Variants in XKR9 observed in about 807,000 individuals in gnomAD.
XKR9 encodes XK-related protein 9.
In XKR9, 32 loss-of-function variants were observed where a neutral mutation model predicts 32.0. That is an observed-to-expected ratio of 1.00 (90% confidence interval 0.76 to 1.34). XKR9 has a LOEUF of 1.34. XKR9 is among the 40% of genes most tolerant of loss of function. The probability of loss-of-function intolerance (pLI) is 0.00; values close to 1 mark genes in which losing one functional copy is unlikely to be tolerated. For missense variants in XKR9, 546 were observed against 429.7 expected, an observed-to-expected ratio of 1.27 and a Z score of -2.39; for synonymous variants, 168 against 143.4, an observed-to-expected ratio of 1.17 and a Z score of -1.22.
At chr8:70,710,350 C>G (rs1266159356) in intron 4 of XKR9, among the ~76,000 whole-genome samples, 1 of 152,132 alleles carries the variant, frequency 6.6e-6, no homozygotes, top group South Asian at 2.1e-4. Context: ...AGAAGAAAAT[C>G]TAGGAAATAC....
the XKR9 span, among the ~76,000 whole-genome samples, chr8:70,995,644 A>T: frequency 6.6e-6 from 1 of 151,894 alleles, no homozygotes; most frequent in Admixed American, 6.6e-5. Context: ...TGCCAGCCAA[A>T]CTCTTTGTTC....
At chr8:70,805,506 G>A in the XKR9 span, among the ~76,000 whole-genome samples, 1 of 152,178 alleles carries the variant, frequency 6.6e-6, no homozygotes, top group African/African-American at 2.4e-5. Flanking sequence ...AACACGCTAA[G>A]CTCCCTGGGT....
At chr8:71,022,416 G>GT in the XKR9 span, among the ~76,000 whole-genome samples, 378 of 151,760 alleles carry the variant, frequency 2.5e-3, 12 homozygotes, top group East Asian at 0.059. Context: ...TGATTGGCAG[G>GT]TTTTTTTTCA....
the XKR9 span, among the ~76,000 whole-genome samples, chr8:71,034,481 A>C: frequency 5.7e-3 from 875 of 152,348 alleles, 10 homozygotes; most frequent in African/African-American, 0.02. Flanking sequence ...GTGTGAGTAC[A>C]GACTAATACA....
At chr8:70,725,354 A>G (rs1806428426) in intron 4 of XKR9, among the ~76,000 whole-genome samples, 1 of 152,180 alleles carries the variant, frequency 6.6e-6, no homozygotes, top group African/African-American at 2.4e-5. Context: ...ATGTGTGTAT[A>G]TATGTGTGTA....
At chr8:70,702,233 G>A (rs1309412096) in intron 3 of XKR9, among the ~76,000 whole-genome samples, 2 of 151,720 alleles carry the variant, frequency 1.3e-5, no homozygotes, top group Admixed American at 1.3e-4. Context: ...AAATCTTTGG[G>A]GATTTAAAAA....
At chr8:70,731,281 G>T (rs911884980) in intron 4 of XKR9, among the ~76,000 whole-genome samples, 1 of 152,008 alleles carries the variant, frequency 6.6e-6, no homozygotes, top group East Asian at 1.9e-4. Context: ...GAAAGAGAGA[G>T]AGAGAAAGAG....
the XKR9 span, among the ~76,000 whole-genome samples, chr8:70,941,923 G>A: frequency 1.3e-5 from 2 of 152,046 alleles, no homozygotes; most frequent in Admixed American, 1.3e-4. Context: ...TCAACCTGAA[G>A]AAATGAGATT....
the XKR9 span, among the ~76,000 whole-genome samples, chr8:70,823,212 G>C: frequency 6.6e-6 from 1 of 152,206 alleles, no homozygotes; most frequent in South Asian, 2.1e-4. Flanking sequence ...CAAATATACT[G>C]TAACTTAGAT....
At chr8:70,736,370 C>G (rs1180918560), downstream of XKR9, among the ~76,000 whole-genome samples, 1 of 151,964 alleles carries the variant, frequency 6.6e-6, no homozygotes, top group Non-Finnish European at 1.5e-5. Context: ...GATATTAGCC[C>G]TTTGTCAGAT....
chr8:70,696,918 C>G (rs1805300440), intron 3 of XKR9, among the ~76,000 whole-genome samples: 1 of 149,336 alleles, frequency 6.7e-6, no homozygotes, highest in South Asian at 2.1e-4. Context: ...AAGTTGGATT[C>G]CTAAGTATTT....
chr8:70,784,100 T>C (rs976531980), intron 2 of XKR9, among the ~76,000 whole-genome samples: 3 of 152,230 alleles, frequency 2.0e-5, no homozygotes, highest in Non-Finnish European at 4.4e-5. Context: ...TTTTGATTAC[T>C]ATGGCTTTGT....
chr8:70,867,912 T>C, the XKR9 span, among the ~76,000 whole-genome samples: 1,244 of 152,306 alleles, frequency 8.2e-3, 42 homozygotes, highest in Admixed American at 0.066. Flanking sequence ...TGGGTAAATA[T>C]AGTCATTCCA....
the XKR9 span, among the ~76,000 whole-genome samples, chr8:70,983,743 C>T: frequency 6.0e-5 from 9 of 151,248 alleles, no homozygotes; most frequent in Admixed American, 2.0e-4. Context: ...ATCGCACCAT[C>T]GCAATCTGGC....
intron 2 of XKR9, among the ~76,000 whole-genome samples, chr8:70,770,072 T>C (rs1279395316): frequency 1.3e-5 from 2 of 152,200 alleles, no homozygotes; most frequent in Non-Finnish European, 2.9e-5. Context: ...CTCCTCATCA[T>C]GGATTTATCT....
intron 3 of XKR9, among the ~76,000 whole-genome samples, chr8:70,695,684 T>C (rs1388307411): frequency 3.3e-5 from 5 of 152,002 alleles, no homozygotes; most frequent in Admixed American, 3.3e-4. Flanking sequence ...ATCCTTTGGG[T>C]ATATACTCAG....
rs1554556847 is a variant in XKR9 at position 70,776,947 on chromosome 8, C to CTATA, written n.353-12378_353-12375dup. ...TTTCTCTCTCTCTCTCTCTCTCTCT[C>CTATA]TATATATATATATATATGTATGTAT... On this transcript the variant is annotated intron_variant and non_coding_transcript_variant, in intron 2 of 3. Coordinates refer to the XKR9 transcript ENST00000520273. 3.3e-4 allele frequency among the ~76,000 whole-genome samples: 18 copies of CTATA among 54,202 alleles called. 1 individual carries two copies. Among genetic ancestry groups the CTATA allele is most frequent in the East Asian group, 8.2e-4 (2 of 2,452 alleles). The allele number at this position is 54,202 out of a possible 152,430, so 35.6% of individuals were successfully genotyped here.
At chr8:70,916,312 C>T in the XKR9 span, among the ~76,000 whole-genome samples, 4 of 152,042 alleles carry the variant, frequency 2.6e-5, no homozygotes, top group African/African-American at 7.2e-5. Context: ...TATCTTTGTC[C>T]GTTGATTTTC....
At chr8:70,922,965 T>C in the XKR9 span, among the ~76,000 whole-genome samples, 1 of 152,212 alleles carries the variant, frequency 6.6e-6, no homozygotes, top group Non-Finnish European at 1.5e-5. Context: ...GATTAAGATA[T>C]CAAAAGCAAT....
Sources: gnomAD v4.1 joint callset for allele counts (sites outside exome capture counted in the v4.1 genomes callset) on GRCh38, gnomAD v4.1.1 for gene constraint, MANE v1.5 for transcripts, NCBI Gene and HGNC (gene_info 2026-07-23, HGNC 2026-07-21) for gene names.